The following SATB1 variants were observed in gnomAD, a reference collection of about 807,000 sequenced individuals.
The protein encoded by SATB1 is SATB homeobox 1, also known as DNA-binding protein SATB1.
In SATB1, 11 loss-of-function variants were observed where a neutral mutation model predicts 86.9. The ratio of observed to expected loss-of-function variants is 0.13; its 90% CI spans 0.08 to 0.21. The LOEUF is 0.21. Among genes scored for constraint, SATB1 ranks in the 10% least tolerant of loss-of-function variants. SATB1 has a pLI of 1.00. For synonymous variants in SATB1, 357 were observed against 357.2 expected, an observed-to-expected ratio of 1.00 and a Z score of 0.01; for missense variants, 551 against 937.6, an observed-to-expected ratio of 0.59 and a Z score of 5.39.
At chr3:18,376,015 G>C (rs1015890874) in intron 9 of SATB1, among the ~76,000 whole-genome samples, 5 of 152,138 alleles carry the variant, frequency 3.3e-5, no homozygotes, top group African/African-American at 1.2e-4. Context: ...GAAGATGCTT[G>C]GAATTTGCTT....
intron 2 of SATB1, among the ~76,000 whole-genome samples, chr3:18,432,813 A>G (rs1023203187): frequency 2.6e-5 from 4 of 152,174 alleles, no homozygotes; most frequent in African/African-American, 9.6e-5. Flanking sequence ...CAAAAAAAAA[A>G]AAACAAAAGC....
upstream of SATB1, among the ~76,000 whole-genome samples, chr3:18,429,979 T>C (rs903485538): frequency 2.3e-4 from 35 of 152,206 alleles, no homozygotes; most frequent in African/African-American, 8.4e-4. The surrounding 1 kb of genome is among the most constrained non-coding windows in gnomAD (Gnocchi z 4.1). Context: ...CACTACAAAT[T>C]GCATTGACAG....
chr3:18,379,325 T>C (rs1434866838), intron 8 of SATB1, among the ~76,000 whole-genome samples: 1 of 152,214 alleles, frequency 6.6e-6, no homozygotes, highest in African/African-American at 2.4e-5. Context: ...ACCATGTAGC[T>C]GATTTTTTAC....
intron 10 of SATB1, chr3:18,350,309 GTTT>G (rs1694287221): frequency 6.6e-6 from 1 of 152,294 alleles, no homozygotes; most frequent in African/African-American, 2.4e-5. Context: ...GACACTGCAA[GTTT>G]TTTTCTTACC....
At chr3:18,389,339 A>G (rs1412841700) in intron 7 of SATB1, among the ~76,000 whole-genome samples, 1 of 147,450 alleles carries the variant, frequency 6.8e-6, no homozygotes, top group Non-Finnish European at 1.5e-5. Context: ...AAATATTGTC[A>G]GAAAACATTT....
chr3:18,411,163 T>TC, intron 5 of SATB1: 1 of 340,012 alleles, frequency 2.9e-6, no homozygotes, highest in Non-Finnish European at 5.2e-6. Context: ...AAAATAACAC[T>TC]TCTCACCCAC....
chr3:18,402,567 G>C (rs1697324492), intron 5 of SATB1, among the ~76,000 whole-genome samples: 1 of 152,092 alleles, frequency 6.6e-6, no homozygotes. Flanking sequence ...CAGCTTTAAA[G>C]GGTAATTGGA....
intron 6 of SATB1, among the ~76,000 whole-genome samples, chr3:18,396,610 C>T (rs1353619057): frequency 6.6e-6 from 1 of 152,068 alleles, no homozygotes; most frequent in Non-Finnish European, 1.5e-5. Flanking sequence ...AGATAGAATG[C>T]TACCTTGGAA....
chr3:18,363,022 C>T (rs929162229), intron 9 of SATB1, among the ~76,000 whole-genome samples: 3 of 152,046 alleles, frequency 2.0e-5, no homozygotes, highest in Non-Finnish European at 4.4e-5. Context: ...CTGCATTTTA[C>T]ATTGATTTAT....
At chr3:18,385,489 G>A (rs1696293266) in intron 8 of SATB1, among the ~76,000 whole-genome samples, 1 of 152,064 alleles carries the variant, frequency 6.6e-6, no homozygotes, top group Non-Finnish European at 1.5e-5. Flanking sequence ...TGGGCGTGGT[G>A]GCAGATGCCT....
chr3:18,415,601 T>A (rs1575162957), intron 4 of SATB1, among the ~76,000 whole-genome samples: 1 of 151,856 alleles, frequency 6.6e-6, no homozygotes, highest in South Asian at 2.1e-4. Flanking sequence ...CATAAAAAAA[T>A]AAATAAATAA....
At chr3:18,432,506 C>T (rs1328354876) in intron 2 of SATB1, among the ~76,000 whole-genome samples, 1 of 152,114 alleles carries the variant, frequency 6.6e-6, no homozygotes, top group East Asian at 1.9e-4. Context: ...ATGCCCACCA[C>T]CATAAGGCAC....
chr3:18,445,425 G>A (rs1051363624), intron 1 of SATB1: 1 of 985,172 alleles, frequency 1.0e-6, no homozygotes, highest in African/African-American at 1.7e-5. Flanking sequence ...CGGAAGACAG[G>A]ACCCTCAGCC....
chr3:18,357,146 CT>C (rs1431986215), intron 9 of SATB1, among the ~76,000 whole-genome samples: 1 of 151,724 alleles, frequency 6.6e-6, no homozygotes, highest in Non-Finnish European at 1.5e-5. Flanking sequence ...TTTATTCCCC[CT>C]CACCCTCATC....
chr3:18,358,929 T>C (rs1694780664), intron 9 of SATB1, among the ~76,000 whole-genome samples: 1 of 151,900 alleles, frequency 6.6e-6, no homozygotes, highest in African/African-American at 2.4e-5. Flanking sequence ...ATTTTTTGCT[T>C]GAGTAAATTT....
intron 9 of SATB1, among the ~76,000 whole-genome samples, chr3:18,360,384 CAG>C (rs1254536961): frequency 1.3e-5 from 2 of 152,130 alleles, no homozygotes; most frequent in African/African-American, 4.8e-5. Flanking sequence ...TTCACCCTCT[CAG>C]GGGCTGTTTT....
Position 18,349,085 on chromosome 3 carries a change from A to G in SATB1, c.*85T>C. ...TCATTGGCCAAACAATGAACAACAAAGGTTTTCTGAGAGAAGACAAGGTGG... is the reference window on the plus strand; with the variant it reads ...TCATTGGCCAAACAATGAACAACAAGGGTTTTCTGAGAGAAGACAAGGTGG... On this transcript the variant is annotated 3_prime_UTR_variant, in exon 11 of 11. Coordinates refer to ENST00000338745, the MANE Select transcript of SATB1 (RefSeq NM_002971.6). This position sits in a 1 kb window ranked among gnomAD's most constrained non-coding sequence, Gnocchi z 5.5. The G allele has an allele frequency of 6.5e-7, 1 of 1,528,274 alleles. No individual in the cohort carries two copies. The highest frequency in any genetic ancestry group is 8.8e-7 in the Non-Finnish European group (1 of 1,142,212). The allele number at this position is 1,528,274 out of a possible 1,614,324, so 94.7% of individuals were successfully genotyped here.
Position 18,397,146 on chromosome 3 carries a change from T to C in SATB1, c.751+33A>G, listed in dbSNP as rs768860584. ...AACCCCCAAATGACACGTAATGGTA[T>C]GTAGCCACTGCTGCAATGTTTTTTT... is the stretch of plus-strand genomic sequence containing the variant. On this transcript the variant is annotated intron_variant, in intron 6 of 10. Transcript: ENST00000338745. 30 of 1,157,968 alleles carry C rather than the reference T, an allele frequency of 2.6e-5. No homozygotes were observed. In the East Asian group the frequency reaches 5.6e-4, roughly 22 times the overall value. 71.7% of individuals were successfully genotyped at this position (1,157,968 alleles called of 1,614,324 possible).
chr3:18,409,299 T>TA (rs759868889), intron 5 of SATB1: 7 of 152,092 alleles, frequency 4.6e-5, no homozygotes, highest in Non-Finnish European at 1.0e-4. Context: ...CAAGCTACGA[T>TA]AAAATCCTTA....
Sources: allele counts gnomAD v4.1 joint callset (sites outside exome capture counted in the v4.1 genomes callset), GRCh38; gene constraint gnomAD v4.1.1; non-coding constraint Gnocchi (gnomAD v3.1); transcripts MANE v1.5; gene names NCBI Gene and HGNC (gene_info 2026-07-23, HGNC 2026-07-21).